SLC26A4: variants seen among roughly 807,000 people sequenced by gnomAD.
SLC26A4 encodes the protein solute carrier family 26 member 4, also known as pendrin.
Under a neutral mutation model 90.4 loss-of-function variants are expected in SLC26A4, and 93 were observed. That is an observed-to-expected ratio of 1.03 (90% CI 0.87 to 1.22). The LOEUF (loss-of-function observed/expected upper bound fraction) is 1.22, where lower values mean the gene tolerates loss of function less well. Among genes scored for constraint, SLC26A4 ranks in the 50% most tolerant of loss-of-function variants. The pLI is 0.00. For missense variants in SLC26A4, 1,127 were observed against 946.2 expected (o/e 1.19, Z -2.51); for synonymous variants, 393 against 354.6 (o/e 1.11, Z -1.22).
chr7:107,691,173 C>G (rs1218111183), intron 10 of SLC26A4, among the ~76,000 whole-genome samples: 1 of 145,646 alleles, frequency 6.9e-6, no homozygotes, highest in Non-Finnish European at 1.5e-5. Flanking sequence ...TCTTCACAGT[C>G]TTCAAATGGG....
At chr7:107,681,404 A>G (rs955692479) in intron 6 of SLC26A4, among the ~76,000 whole-genome samples, 12 of 152,290 alleles carry the variant, frequency 7.9e-5, no homozygotes, top group Middle Eastern at 3.4e-3. Flanking sequence ...AAGTACTTAA[A>G]GTTCATTAAG....
intron 10 of SLC26A4, chr7:107,693,698 G>T: frequency 4.0e-6 from 4 of 991,630 alleles, no homozygotes; most frequent in Non-Finnish European, 4.8e-6. Context: ...GCCAGCGAAG[G>T]TAAAGTTTCT....
At chr7:107,701,785 C>A in intron 16 of SLC26A4, 42 bp from the exon 17 acceptor site, 1 of 1,278,716 alleles carries the variant, frequency 7.8e-7, no homozygotes, top group South Asian at 1.2e-5. Context: ...TGAAAGATTT[C>A]AAATCTTTGA....
intron 6 of SLC26A4, among the ~76,000 whole-genome samples, chr7:107,675,472 A>C (rs916394458): frequency 1.4e-4 from 21 of 151,228 alleles, no homozygotes; most frequent in African/African-American, 5.1e-4. Flanking sequence ...GCCCCACTGC[A>C]CTCCACCCTG....
chr7:107,710,294 T>A, intron 19 of SLC26A4, 95 bp downstream of exon 19: 1 of 946,410 alleles, frequency 1.1e-6, no homozygotes, highest in Non-Finnish European at 1.7e-6. Context: ...AGCTGTTGAA[T>A]TTTAAGCTAC....
intron 8 of SLC26A4, among the ~76,000 whole-genome samples, chr7:107,688,221 T>C (rs1791472072): frequency 6.6e-6 from 1 of 152,190 alleles, no homozygotes; most frequent in South Asian, 2.1e-4. Flanking sequence ...TTCTATTTTA[T>C]TTTTACCACT....
At position 107,710,102 on chromosome 7, in the gene SLC26A4, T is replaced by G. The variant is rs747174194; in HGVS notation, c.2138T>G (p.Ile713Ser). ...LEQCGFFDDN[I>S]RKDTFFLTVH... ...CAATGCGGGTTCTTTGACGACAACA[T>G]TAGAAAGGACACATTCTTTTTGACG... is the stretch of plus-strand genomic sequence containing the variant. The change falls in exon 19 of 21, where the codon ATT becomes AGT. Residue 713 changes from isoleucine (I) to serine (S), a missense_variant. Physicochemically the swap from Ile to Ser is moderately radical, Grantham distance 142 (BLOSUM62 -2). Coordinates refer to ENST00000644269, the MANE Select transcript of SLC26A4 (RefSeq NM_000441.2). 6.2e-7 allele frequency: 1 copy of G among 1,611,426 alleles called. No homozygotes were observed. Among genetic ancestry groups the G allele is most frequent in the South Asian group, 1.1e-5 (1 of 91,032 alleles).
intron 6 of SLC26A4, among the ~76,000 whole-genome samples, chr7:107,679,763 A>G (rs1203110320): frequency 6.8e-6 from 1 of 147,484 alleles, no homozygotes; most frequent in Non-Finnish European, 1.5e-5. Flanking sequence ...AGTACTGTTC[A>G]GTGTTTTTGT....
chr7:107,694,433 A>G lies in SLC26A4; in HGVS notation c.1294A>G (p.Met432Val), dbSNP rs1204261613. The G allele has an allele frequency of 1.2e-6, 2 of 1,613,592 alleles. No individual in the cohort carries two copies. Among genetic ancestry groups the G allele is most frequent in the African/African-American group, 2.7e-5 (2 of 74,908 alleles). Residue 432 changes from methionine to valine, a missense_variant, in exon 11 of 21, where the codon ATG (methionine) becomes GTG (valine). Transcript: ENST00000644269. ...VAGIISAAIV[M>V]IAILALGKLL... ...TGGCATCATCTCTGCTGCGATTGTG[A>G]TGATCGCCATTCTTGCCCTGGGGAA...
chr7:107,675,285 TAAAAAAA>T (rs60022317), intron 6 of SLC26A4, among the ~76,000 whole-genome samples, 176 bp downstream of exon 6: 2 of 96,790 alleles, frequency 2.1e-5, no homozygotes, highest in African/African-American at 4.0e-5. Context: ...CCTCATCTCT[TAAAAAAA>T]AAAAAAAAAA....
At chr7:107,704,280 A>T (rs1791977663) in intron 17 of SLC26A4, 51 bp from the exon 18 acceptor site, 1 of 771,346 alleles carries the variant, frequency 1.3e-6, no homozygotes, top group African/African-American at 1.7e-5. Context: ...CTACTGAATT[A>T]TGGGCAGATA....
intron 6 of SLC26A4, among the ~76,000 whole-genome samples, chr7:107,679,823 A>C (rs866117568): frequency 1.2e-4 from 17 of 143,416 alleles, no homozygotes; most frequent in Non-Finnish European, 2.1e-4. Context: ...ATTATATAAT[A>C]TAATCTTATA....
intron 8 of SLC26A4, among the ~76,000 whole-genome samples, chr7:107,686,545 T>C (rs900866316): frequency 1.3e-5 from 2 of 151,680 alleles, no homozygotes; most frequent in Admixed American, 6.6e-5. Context: ...TGGAATGCAG[T>C]GGCATGATCT....
At chr7:107,680,330 T>G (rs187438172) in intron 6 of SLC26A4, among the ~76,000 whole-genome samples, 310 of 135,750 alleles carry the variant, frequency 2.3e-3, no homozygotes, top group African/African-American at 8.1e-3. Flanking sequence ...TATAATCTTA[T>G]CTTATTATAT....
chr7:107,697,957 G>T (rs770844637), intron 13 of SLC26A4, 85 bp from the exon 14 acceptor site: 1 of 829,438 alleles, frequency 1.2e-6, no homozygotes, highest in Non-Finnish European at 2.1e-6. Context: ...AGAATGATGG[G>T]CTCTTTAGTA....
In SLC26A4 at chr7:107,664,388, T is replaced by A. The variant is rs117047270; in HGVS notation, c.304+953T>A. On this transcript the variant is annotated intron_variant, in intron 3 of 20. Coordinates refer to ENST00000644269, the MANE Select transcript of SLC26A4 (RefSeq NM_000441.2). ...CTGGGGCTACAGGCATGTGCCACCA[T>A]GTCCAGCTAATTACTGTATTTTTAG... Among the ~76,000 whole-genome samples the A allele has an allele frequency of 4.8e-3, 732 of 152,306 alleles. 42 individuals are homozygous for A. The East Asian group carries it at 0.12, about 25-fold the overall frequency.
chr7:107,681,743 T>G (rs1411213304), intron 6 of SLC26A4, among the ~76,000 whole-genome samples: 1 of 152,094 alleles, frequency 6.6e-6, no homozygotes, highest in Non-Finnish European at 1.5e-5. Context: ...AGTCTCCTAT[T>G]TACAAAACAA....
rs536954485 is a variant in SLC26A4 at position 107,710,047 on chromosome 7, T to C, written c.2090-7T>C. Reference sequence around the variant, plus strand: ...AACTAACAAAACATTGTGTCTTTCTTTTGAAGATTATGTGATAGAAAAGCT... The same window carrying C: ...AACTAACAAAACATTGTGTCTTTCTCTTGAAGATTATGTGATAGAAAAGCT... On this transcript the variant is annotated splice_polypyrimidine_tract_variant and splice_region_variant and intron_variant, in intron 18 of 20. Transcript: ENST00000644269. The C allele has an allele frequency of 6.2e-7, 1 of 1,612,248 alleles. No homozygotes were observed. The highest frequency in any genetic ancestry group is 1.3e-5 in the African/African-American group (1 of 74,976).
intron 10 of SLC26A4, among the ~76,000 whole-genome samples, chr7:107,690,766 G>A (rs1378633496): frequency 6.6e-6 from 1 of 152,106 alleles, no homozygotes; most frequent in Non-Finnish European, 1.5e-5. Flanking sequence ...GATTTATGTT[G>A]TTGAAGTTCT....
Sources: gnomAD v4.1 joint callset for allele counts (sites outside exome capture counted in the v4.1 genomes callset) on GRCh38, gnomAD v4.1.1 for gene constraint, MANE v1.5 for transcripts, NCBI Gene and HGNC (gene_info 2026-07-23, HGNC 2026-07-21) for gene names.